AFF3: variants seen among roughly 807,000 people sequenced by gnomAD.
AFF3 encodes AF4/FMR2 family member 3.
AFF3 carries 32 observed loss-of-function variants against 129.7 expected under a neutral mutation model. That is an observed-to-expected ratio of 0.25 (90% CI 0.19 to 0.33). AFF3 has a LOEUF of 0.33. Ranked by LOEUF, AFF3 falls within the 10% of genes least tolerant of loss-of-function variation. The pLI is 1.00. For synonymous variants in AFF3, 644 were observed against 635.4 expected (o/e 1.01, Z -0.20); for missense variants, 1,373 against 1,592.0 (o/e 0.86, Z 2.34).
chr2:100,039,298 C>A (rs1339863956), intron 4 of AFF3, among the ~76,000 whole-genome samples: 1 of 152,128 alleles, frequency 6.6e-6, no homozygotes, highest in Non-Finnish European at 1.5e-5. Flanking sequence ...GTGGCTCTGG[C>A]CTATAGACTC....
chr2:99,732,254 C>T (rs1418545624), intron 10 of AFF3, among the ~76,000 whole-genome samples: 4 of 151,148 alleles, frequency 2.6e-5, no homozygotes, highest in Admixed American at 2.6e-4. Context: ...ACTCGGGAGG[C>T]TGAGGCAGGA....
At chr2:100,104,777 G>A (rs1691113568) in intron 3 of AFF3, 2 of 870,310 alleles carry the variant, frequency 2.3e-6, no homozygotes, top group Admixed American at 1.1e-4. Context: ...CCTCCCTCGC[G>A]GCGGCCCGGC....
Position 99,583,014 on chromosome 2 carries a change from T to TA in AFF3, c.2592-16dup. 6.2e-6 allele frequency: 10 copies of TA among 1,610,922 alleles called. No homozygotes were observed. The highest frequency in any genetic ancestry group is 8.5e-6 in the Non-Finnish European group (10 of 1,177,240). ...GTATTGCCACACTGAAAAAGGAAAT[T>TA]ACGGTAATGGAATGTTACAGAGTCA... On this transcript the variant is annotated splice_polypyrimidine_tract_variant and intron_variant, in intron 16 of 24. Transcript: ENST00000672756.
At chr2:100,131,859 G>A (rs995514811) in intron 1 of AFF3, among the ~76,000 whole-genome samples, 1 of 152,168 alleles carries the variant, frequency 6.6e-6, no homozygotes, top group South Asian at 2.1e-4. Context: ...TTCTAAGAAG[G>A]GTTCATATCT....
chr2:99,636,347 A>T (rs1188466233), intron 13 of AFF3, among the ~76,000 whole-genome samples: 1 of 152,196 alleles, frequency 6.6e-6, no homozygotes, highest in South Asian at 2.1e-4. Context: ...GGCCCTGTCC[A>T]GTCGGCTGGA....
intron 11 of AFF3, among the ~76,000 whole-genome samples, chr2:99,695,502 T>C (rs375853634): frequency 5.6e-4 from 85 of 152,300 alleles, no homozygotes; most frequent in South Asian, 1.0e-3. Context: ...CCTGGAAATG[T>C]GCCCTTAAAC....
chr2:99,804,032 T>TG (rs1358423865), intron 8 of AFF3, among the ~76,000 whole-genome samples: 1 of 152,018 alleles, frequency 6.6e-6, no homozygotes, highest in Non-Finnish European at 1.5e-5. Flanking sequence ...GGCAAAGAAT[T>TG]TATGACTAAG....
intron 7 of AFF3, among the ~76,000 whole-genome samples, chr2:99,971,520 C>G (rs1678374786): frequency 6.6e-6 from 1 of 152,162 alleles, no homozygotes; most frequent in Non-Finnish European, 1.5e-5. Flanking sequence ...ACCCACAACC[C>G]ACTACTCCTA....
chr2:99,679,514 T>A (rs2104536820), intron 11 of AFF3, among the ~76,000 whole-genome samples: 1 of 152,292 alleles, frequency 6.6e-6, no homozygotes, highest in South Asian at 2.1e-4. Context: ...ACCTGCCAAA[T>A]CCTGGTGAGA....
intron 8 of AFF3, among the ~76,000 whole-genome samples, chr2:99,787,651 T>C (rs913532275): frequency 6.6e-6 from 1 of 152,200 alleles, no homozygotes; most frequent in Non-Finnish European, 1.5e-5. Flanking sequence ...AAAGTCTACG[T>C]ACTTCTGACT....
chr2:99,907,401 A>G (rs1317127474), intron 7 of AFF3, among the ~76,000 whole-genome samples: 1 of 152,156 alleles, frequency 6.6e-6, no homozygotes, highest in Non-Finnish European at 1.5e-5. Flanking sequence ...TATTACCAAA[A>G]TATTATTCCT....
chr2:99,916,825 G>A (rs1695505697), intron 7 of AFF3, among the ~76,000 whole-genome samples: 1 of 152,044 alleles, frequency 6.6e-6, no homozygotes, highest in African/African-American at 2.4e-5. Flanking sequence ...CACAACAGGG[G>A]AAGGCTGTGA....
intron 7 of AFF3, among the ~76,000 whole-genome samples, chr2:99,941,474 A>G (rs1262785688): frequency 1.3e-5 from 2 of 152,386 alleles, no homozygotes; most frequent in African/African-American, 4.8e-5. Context: ...ATGGTAGCAG[A>G]GTCTGACAGC....
intron 8 of AFF3, among the ~76,000 whole-genome samples, chr2:99,788,778 T>A (rs1318391990): frequency 6.6e-6 from 1 of 152,200 alleles, no homozygotes; most frequent in Non-Finnish European, 1.5e-5. Flanking sequence ...CCAGAGCAAC[T>A]TCCAGTCCTG....
At chr2:99,583,142 T>G (rs1677743613) in intron 16 of AFF3, 143 bp from the exon 17 acceptor site, 7 of 671,600 alleles carry the variant, frequency 1.0e-5, no homozygotes, top group Non-Finnish European at 1.8e-5. Flanking sequence ...AACAAGTTAA[T>G]GGCATTAGGA....
rs190503425 is a variant in AFF3 at position 99,850,815 on chromosome 2, T to C, written c.874-13291A>G. Among the ~76,000 whole-genome samples the C allele has an allele frequency of 3.1e-3, 466 of 152,304 alleles. 4 individuals carry two copies. Among genetic ancestry groups the C allele is most frequent in the African/African-American group, 0.011 (448 of 41,572 alleles). On this transcript the variant is annotated intron_variant, in intron 7 of 24. Coordinates refer to ENST00000672756, the MANE Select transcript of AFF3 (RefSeq NM_001386135.1). ...ATACAAAGATTATTTATTCTAAAAG[T>C]ACCAATCTAAAATTATGAAATAAGA...
intron 8 of AFF3, among the ~76,000 whole-genome samples, chr2:99,756,632 T>C (rs1682122063): frequency 6.6e-6 from 1 of 152,234 alleles, no homozygotes; most frequent in Non-Finnish European, 1.5e-5. Context: ...CACTGGCTTT[T>C]TCCCCCAAGA....
chr2:99,852,096 C>T lies in AFF3; in HGVS notation c.874-14572G>A, dbSNP rs183102378. On this transcript the variant is annotated intron_variant, in intron 7 of 24. Transcript: ENST00000672756. Reference sequence around the variant, plus strand: ...CCTCTGAGCCAAGCAGGCACCCCAGCGGTCCTCATTTAAAAAGAAAAAAAT... The same window carrying T: ...CCTCTGAGCCAAGCAGGCACCCCAGTGGTCCTCATTTAAAAAGAAAAAAAT... Among the ~76,000 whole-genome samples the T allele has an allele frequency of 1.4e-4, 22 of 152,182 alleles. No homozygotes were observed. In the East Asian group the frequency reaches 1.9e-3, roughly 13 times the overall value.
At position 100,006,664 on chromosome 2, in the gene AFF3, G is replaced by A; in HGVS notation, c.841C>T (p.Leu281Phe). The A allele has an allele frequency of 6.2e-7, 1 of 1,611,684 alleles. No homozygotes were observed. The highest frequency in any genetic ancestry group is 1.1e-5 in the South Asian group (1 of 91,052). ...TGCTTGGGGATGCTGAACTTGGAGA[G>A]CTTGGCCTTGGCTCTGGCAGGCTCC... ...KPEPARAKAK[L>F]SKFSIPKQGE... is the part of the protein sequence containing the mutation. Residue 281 changes from leucine to phenylalanine, a missense_variant, in exon 7 of 25, where the codon CTC becomes TTC. By Grantham distance (22) the Leu-to-Phe change is conservative. Transcript: ENST00000672756.
Sources: allele counts gnomAD v4.1 joint callset (sites outside exome capture counted in the v4.1 genomes callset), GRCh38; gene constraint gnomAD v4.1.1; transcripts MANE v1.5; gene names NCBI Gene and HGNC (gene_info 2026-07-23, HGNC 2026-07-21).